The following CNTNAP2 variants were observed in gnomAD, a reference collection of about 807,000 sequenced individuals.
The protein encoded by CNTNAP2 is contactin associated protein 2, also known as contactin-associated protein-like 2.
CNTNAP2 carries 98 observed loss-of-function variants against 155.2 expected under a neutral mutation model. The observed-to-expected ratio is 0.63, with a 90% CI of 0.54 to 0.75. The LOEUF (loss-of-function observed/expected upper bound fraction) is 0.75, where lower values mean the gene tolerates loss of function less well. Ranked by LOEUF, CNTNAP2 falls within the 30% of genes least tolerant of loss-of-function variation. The probability of loss-of-function intolerance (pLI) is 0.00; values close to 1 mark genes in which losing one functional copy is unlikely to be tolerated. For missense variants in CNTNAP2, 1,727 were observed against 1,688.1 expected (o/e 1.02, Z -0.40); for synonymous variants, 651 against 631.2 (o/e 1.03, Z -0.47).
intron 20 of CNTNAP2, among the ~76,000 whole-genome samples, chr7:148,247,869 G>A (rs1796300822): frequency 1.3e-5 from 2 of 151,940 alleles, no homozygotes; most frequent in Admixed American, 1.3e-4. Context: ...GGCCAGGCTG[G>A]TCTCGGACCC....
intron 8 of CNTNAP2, among the ~76,000 whole-genome samples, chr7:147,250,808 G>A (rs138831186): frequency 2.0e-5 from 3 of 152,216 alleles, no homozygotes; most frequent in African/African-American, 7.2e-5. Flanking sequence ...TACAAAATCA[G>A]CAATGAGGGG....
At chr7:148,061,928 G>GAT (rs200816063) in intron 15 of CNTNAP2, among the ~76,000 whole-genome samples, 10,708 of 95,366 alleles carry the variant, frequency 0.11, 849 homozygotes, top group East Asian at 0.35. Flanking sequence ...GATATAGATA[G>GAT]ATAGATAGAT....
intron 1 of CNTNAP2, among the ~76,000 whole-genome samples, chr7:146,636,824 T>A (rs1317709894): frequency 6.6e-6 from 1 of 152,162 alleles, no homozygotes; most frequent in Non-Finnish European, 1.5e-5. Flanking sequence ...ATGTTAGGCG[T>A]CTCTTTGCCA....
chr7:147,290,842 A>G (rs1286023481), intron 8 of CNTNAP2, among the ~76,000 whole-genome samples: 1 of 152,218 alleles, frequency 6.6e-6, no homozygotes, highest in Non-Finnish European at 1.5e-5. Context: ...CTGTACATGC[A>G]TGAGTCTTTA....
chr7:146,849,431 A>G (rs998051354), intron 3 of CNTNAP2, among the ~76,000 whole-genome samples: 1 of 152,210 alleles, frequency 6.6e-6, no homozygotes, highest in Admixed American at 6.5e-5. Context: ...TTCCATTACT[A>G]TAATGAACCC....
At chr7:146,225,095 C>T (rs1333090451) in intron 1 of CNTNAP2, among the ~76,000 whole-genome samples, 5 of 152,072 alleles carry the variant, frequency 3.3e-5, no homozygotes, top group Non-Finnish European at 7.3e-5. Flanking sequence ...TTAAGGGGCA[C>T]TTTGAATACA....
chr7:146,995,191 G>A (rs1386093646), intron 3 of CNTNAP2, among the ~76,000 whole-genome samples: 1 of 151,922 alleles, frequency 6.6e-6, no homozygotes, highest in Non-Finnish European at 1.5e-5. Context: ...TGGCTGAACA[G>A]TATTCCATTG....
intron 1 of CNTNAP2, among the ~76,000 whole-genome samples, chr7:146,699,343 T>G (rs1800836518): frequency 6.6e-6 from 1 of 152,180 alleles, no homozygotes; most frequent in Non-Finnish European, 1.5e-5. Flanking sequence ...CACAGAGAAC[T>G]TATCTTAAAT....
Position 147,428,620 on chromosome 7 carries a change from A to C in CNTNAP2, c.1670+32840A>C, listed in dbSNP as rs528405395. Among the ~76,000 whole-genome samples the C allele has an allele frequency of 2.8e-3, 432 of 152,276 alleles. 2 individuals are homozygous for C. Among genetic ancestry groups the C allele is most frequent in the African/African-American group, 9.8e-3 (406 of 41,562 alleles). On this transcript the variant is annotated intron_variant, in intron 10 of 23. Transcript: ENST00000361727. Reference sequence around the variant, plus strand: ...TACCACTTTCTTTTACATAGGATTTAGAGTGTATTTATAAGTTGGATTCTC... The same window carrying C: ...TACCACTTTCTTTTACATAGGATTTCGAGTGTATTTATAAGTTGGATTCTC...
At chr7:147,444,925 T>G (rs1260097257) in intron 10 of CNTNAP2, among the ~76,000 whole-genome samples, 1 of 152,104 alleles carries the variant, frequency 6.6e-6, no homozygotes, top group Non-Finnish European at 1.5e-5. Flanking sequence ...CTTATAATCA[T>G]GGTGGAAGGG....
At chr7:148,125,987 G>A (rs1051848864) in intron 16 of CNTNAP2, among the ~76,000 whole-genome samples, 1 of 152,110 alleles carries the variant, frequency 6.6e-6, no homozygotes, top group Non-Finnish European at 1.5e-5. Flanking sequence ...ATAGGTATAA[G>A]CTACCACCTA....
chr7:148,395,273 G>A (rs1418874489), intron 22 of CNTNAP2, among the ~76,000 whole-genome samples: 1 of 149,008 alleles, frequency 6.7e-6, no homozygotes, highest in Non-Finnish European at 1.5e-5. Flanking sequence ...TAATTTGAAT[G>A]TTTGGCTCTC....
intron 8 of CNTNAP2, among the ~76,000 whole-genome samples, chr7:147,258,394 A>G (rs1804377658): frequency 6.6e-6 from 1 of 152,162 alleles, no homozygotes; most frequent in Admixed American, 6.5e-5. Context: ...TTGAAACTAT[A>G]TAACAATAAA....
chr7:147,592,369 T>C (rs1800752163), intron 12 of CNTNAP2, among the ~76,000 whole-genome samples: 1 of 152,068 alleles, frequency 6.6e-6, no homozygotes, highest in East Asian at 1.9e-4. Flanking sequence ...TTGGATTACA[T>C]GGTATAATTA....
chr7:147,557,213 G>A (rs1367649954), intron 11 of CNTNAP2, among the ~76,000 whole-genome samples: 2 of 151,858 alleles, frequency 1.3e-5, no homozygotes, highest in East Asian at 1.9e-4. Context: ...GCAGTGAGCC[G>A]AGATTGCACC....
intron 10 of CNTNAP2, among the ~76,000 whole-genome samples, chr7:147,473,155 A>T (rs1396227133): frequency 6.6e-6 from 1 of 152,142 alleles, no homozygotes; most frequent in African/African-American, 2.4e-5. Flanking sequence ...ATGAGAGTGG[A>T]TTTCAGGTTG....
At chr7:146,461,252 A>T (rs1183782179) in intron 1 of CNTNAP2, among the ~76,000 whole-genome samples, 1 of 151,774 alleles carries the variant, frequency 6.6e-6, no homozygotes, top group Non-Finnish European at 1.5e-5. Context: ...AATACAAAAA[A>T]AAATTAGCTG....
At chr7:146,549,394 A>C (rs974413864) in intron 1 of CNTNAP2, among the ~76,000 whole-genome samples, 3 of 152,086 alleles carry the variant, frequency 2.0e-5, no homozygotes, top group African/African-American at 7.2e-5. Context: ...TTACACAAAA[A>C]TATGATCATA....
At chr7:146,519,998 T>G (rs1054306162) in intron 1 of CNTNAP2, among the ~76,000 whole-genome samples, 4 of 151,728 alleles carry the variant, frequency 2.6e-5, no homozygotes, top group African/African-American at 9.7e-5. Context: ...AATGAATGAA[T>G]AAAGTATATT....
Sources: gnomAD v4.1 joint callset for allele counts (sites outside exome capture counted in the v4.1 genomes callset) on GRCh38, gnomAD v4.1.1 for gene constraint, MANE v1.5 for transcripts, NCBI Gene and HGNC (gene_info 2026-07-23, HGNC 2026-07-21) for gene names.